Variants in LAMC3 observed in about 807,000 individuals in gnomAD.
LAMC3 encodes laminin subunit gamma-3.
Under a neutral mutation model 173.8 loss-of-function variants are expected in LAMC3, and 128 were observed. That is an observed-to-expected ratio of 0.74 (90% CI 0.64 to 0.85). The LOEUF (loss-of-function observed/expected upper bound fraction) is 0.85. Ranked by LOEUF, LAMC3 falls within the 40% of genes least tolerant of loss-of-function variation. LAMC3 has a pLI of 0.00. For synonymous variants in LAMC3, 897 were observed against 909.1 expected (o/e 0.99, Z 0.24); for missense variants, 2,022 against 2,156.0 (o/e 0.94, Z 1.23).
rs755946278 is a variant in LAMC3 at position 131,045,553 on chromosome 9, C to A, written c.1412C>A (p.Pro471His). The change falls in exon 8 of 28, where the codon CCC (proline) becomes CAC (histidine). Residue 471 changes from proline to histidine, a missense_variant. By Grantham distance (77) the Pro-to-His change is moderately conservative. Transcript: ENST00000361069. ...CGCCCGGGGACCTTTAACCTGCAGC[C>A]CCACAATCCAGCTGGCTGCAGCAGC... is the stretch of plus-strand genomic sequence containing the variant. The part of the protein sequence containing the change: ...RCRPGTFNLQ[P>H]HNPAGCSSCF... The A allele has an allele frequency of 6.2e-7, 1 of 1,614,038 alleles. No homozygotes were observed. Among genetic ancestry groups the A allele is most frequent in the Non-Finnish European group, 8.5e-7 (1 of 1,180,036 alleles).
At chr9:131,088,174 G>T (rs978147058) in intron 27 of LAMC3, among the ~76,000 whole-genome samples, 9 of 152,142 alleles carry the variant, frequency 5.9e-5, no homozygotes, top group Admixed American at 3.3e-4. Context: ...GAGGGTTCAG[G>T]AGAAGAAGAA....
At chr9:131,049,880 T>C (rs1292082700) in intron 9 of LAMC3, among the ~76,000 whole-genome samples, 1 of 152,232 alleles carries the variant, frequency 6.6e-6, no homozygotes, top group Non-Finnish European at 1.5e-5. Context: ...TCCTGGCGAC[T>C]GTCTCAGCCC....
intron 25 of LAMC3, among the ~76,000 whole-genome samples, chr9:131,086,241 G>A (rs1416042233): frequency 3.9e-5 from 6 of 152,020 alleles, no homozygotes; most frequent in Non-Finnish European, 7.4e-5. Context: ...ACCACACCTG[G>A]CTAATTTTTG....
At chr9:131,019,886 C>G (rs769593932) in intron 1 of LAMC3, among the ~76,000 whole-genome samples, 4 of 151,844 alleles carry the variant, frequency 2.6e-5, no homozygotes, top group African/African-American at 7.3e-5. Flanking sequence ...GAGCCTCCCC[C>G]GGCCGGGCCC....
At chr9:131,078,626 A>G (rs1178855253) in intron 22 of LAMC3, among the ~76,000 whole-genome samples, 1 of 152,122 alleles carries the variant, frequency 6.6e-6, no homozygotes, top group Non-Finnish European at 1.5e-5. Flanking sequence ...CACAGCTGTT[A>G]GTGTGTTTGA....
In LAMC3 at chr9:131,072,797, G is replaced by C. The variant is rs140955110; in HGVS notation, c.3379G>C (p.Glu1127Gln). 5.6e-6 allele frequency: 9 copies of C among 1,613,156 alleles called. No individual in the cohort carries two copies. The African/African-American group carries it at 8.0e-5, about 14-fold the overall frequency. The change falls in exon 19 of 28, where the codon GAG becomes CAG. Residue 1127 changes from glutamate to glutamine, a missense_variant. Glu to Gln is a conservative substitution (Grantham distance 29). Coordinates refer to ENST00000361069, the MANE Select transcript of LAMC3 (RefSeq NM_006059.4). ...GGAGGCAGTGCTGGAGTCCTCGGAA[G>C]AGGAGATTCTGCATGCAGCTGCCAT... ...DLEAVLESSE[E>Q]EILHAAAILA...
chr9:131,079,377 G>A (rs1052487153), intron 23 of LAMC3, 79 bp downstream of exon 23: 26 of 1,546,814 alleles, frequency 1.7e-5, no homozygotes, highest in Non-Finnish European at 2.3e-5. Flanking sequence ...CAGGGTTGCA[G>A]GAGGGAGAAG....
rs538353783 is a variant in LAMC3 at position 131,045,416 on chromosome 9, T to C, written c.1383-108T>C. 14 of 1,318,748 alleles carry C rather than the reference T, an allele frequency of 1.1e-5. No individual in the cohort carries two copies. In the South Asian group the frequency reaches 1.5e-4, roughly 14 times the overall value. The allele number at this position is 1,318,748 out of a possible 1,614,324, so 81.7% of individuals were successfully genotyped here. The stretch of plus-strand genomic sequence containing the variant: ...ATTCTGAAAAAAAATTGTTTTTAAG[T>C]TTCTGCAGTGATTCTAGACTCTCAT... On this transcript the variant is annotated intron_variant, in intron 7 of 27. Transcript: ENST00000361069.
chr9:131,079,096 C>T (rs1315443665), intron 22 of LAMC3, 53 bp from the exon 23 acceptor site: 14 of 1,595,330 alleles, frequency 8.8e-6, no homozygotes, highest in African/African-American at 5.4e-5. Flanking sequence ...GGAGAGGATC[C>T]GCTGCTTGCC....
At chr9:131,015,024 TC>T (rs1032723641) in intron 1 of LAMC3, among the ~76,000 whole-genome samples, 15 of 152,256 alleles carry the variant, frequency 9.9e-5, no homozygotes, top group African/African-American at 3.6e-4. Flanking sequence ...CTGGGACTGT[TC>T]CAAGTGCTTC....
chr9:131,075,026 G>T (rs1830099283), intron 20 of LAMC3, among the ~76,000 whole-genome samples: 1 of 152,200 alleles, frequency 6.6e-6, no homozygotes, highest in Non-Finnish European at 1.5e-5. Context: ...CACTTTGGGA[G>T]GCTGAGGCAT....
At chr9:131,012,058 CACAT>C (rs1252786624) in intron 1 of LAMC3, among the ~76,000 whole-genome samples, 9 of 138,508 alleles carry the variant, frequency 6.5e-5, no homozygotes, top group African/African-American at 1.7e-4. Flanking sequence ...AACACACACA[CACAT>C]ACACACACAC....
chr9:131,070,704 ACT>A (rs1226357266), intron 17 of LAMC3, among the ~76,000 whole-genome samples: 1 of 151,816 alleles, frequency 6.6e-6, no homozygotes, highest in Admixed American at 6.6e-5. Flanking sequence ...ACAGAGCAAG[ACT>A]CTGTCTAAAA....
chr9:131,091,175 G>A (rs767935752), intron 27 of LAMC3, among the ~76,000 whole-genome samples: 2 of 152,252 alleles, frequency 1.3e-5, no homozygotes, highest in South Asian at 4.1e-4. Context: ...GAGCCAGCAT[G>A]TTCAAGCTGG....
chr9:131,050,777 G>A (rs71501180), intron 9 of LAMC3, among the ~76,000 whole-genome samples: 4 of 148,132 alleles, frequency 2.7e-5, no homozygotes, highest in South Asian at 2.1e-4. Flanking sequence ...CCAAAAAAAG[G>A]AAAAAAAAAA....
At chr9:131,070,668 G>A (rs1258828025) in intron 17 of LAMC3, among the ~76,000 whole-genome samples, 1 of 152,024 alleles carries the variant, frequency 6.6e-6, no homozygotes, top group Non-Finnish European at 1.5e-5. Flanking sequence ...CCAAGATCAT[G>A]ACTGCACTGC....
rs1023123205 is a variant in LAMC3 at position 131,009,516 on chromosome 9, C to T, written c.302C>T (p.Thr101Ile). 3.9e-6 allele frequency: 6 copies of T among 1,556,070 alleles called. No individual in the cohort carries two copies. The Admixed American group carries it at 5.8e-5, about 15-fold the overall frequency. ...LTDFHSQDES[T>I]WWQSPSMAFG... is the part of the protein sequence containing the mutation. ...GACTTCCACAGCCAGGACGAGAGCA[C>T]CTGGTGGCAGAGCCCGTCCATGGCC... Residue 101 changes from threonine to isoleucine, a missense_variant, in exon 1 of 28, where the codon ACC becomes ATC. By Grantham distance (89) the Thr-to-Ile change is moderately conservative. Coordinates refer to ENST00000361069, the MANE Select transcript of LAMC3 (RefSeq NM_006059.4). This position sits in a 1 kb window ranked among gnomAD's most constrained non-coding sequence, Gnocchi z 4.3.
Position 131,026,474 on chromosome 9 carries a change from C to T in LAMC3, c.563C>T (p.Ala188Val). 1 of 1,613,360 alleles carries T rather than the reference C, an allele frequency of 6.2e-7. No homozygotes were observed. The highest frequency in any genetic ancestry group is 8.5e-7 in the Non-Finnish European group (1 of 1,179,772). ...YLRPGEDERV[A>V]FCTSEFSDIS... The stretch of plus-strand genomic sequence containing the variant: ...CGCCCCGGCGAGGACGAGCGCGTGG[C>T]CTTCTGCACCTCTGAGTTCAGCGAC... The change falls in exon 2 of 28, where the codon GCC (alanine) becomes GTC (valine). Residue 188 changes from alanine to valine, a missense_variant. By Grantham distance (64) the Ala-to-Val change is moderately conservative. Transcript: ENST00000361069. This position sits in a 1 kb window ranked among gnomAD's most constrained non-coding sequence, Gnocchi z 4.8.
intron 2 of LAMC3, among the ~76,000 whole-genome samples, chr9:131,031,536 A>G (rs531714239): frequency 4.6e-5 from 7 of 152,290 alleles, no homozygotes; most frequent in Admixed American, 2.0e-4. Flanking sequence ...GGCCAGCTGC[A>G]TGCCAGGCCC....
Sources: allele counts gnomAD v4.1 joint callset (sites outside exome capture counted in the v4.1 genomes callset), GRCh38; gene constraint gnomAD v4.1.1; non-coding constraint Gnocchi (gnomAD v3.1); transcripts MANE v1.5; gene names NCBI Gene and HGNC (gene_info 2026-07-23, HGNC 2026-07-21).